The following ASPM variants were observed in gnomAD, a reference collection of about 807,000 sequenced individuals.
The protein encoded by ASPM is assembly factor for spindle microtubules, also known as abnormal spindle-like microcephaly-associated protein.
Under a neutral mutation model 366.4 loss-of-function variants are expected in ASPM, and 256 were observed. That is an observed-to-expected ratio of 0.70 (90% CI 0.63 to 0.77). The LOEUF (loss-of-function observed/expected upper bound fraction) is 0.77, where lower values mean the gene tolerates loss of function less well. Among genes scored for constraint, ASPM ranks in the 30% least tolerant of loss-of-function variants. The pLI, the probability that ASPM is intolerant of heterozygous loss-of-function variation, is 0.00. For synonymous variants in ASPM, 1,414 were observed against 1,342.9 expected (o/e 1.05, Z -1.16); for missense variants, 4,146 against 4,090.4 (o/e 1.01, Z -0.37).
intron 8 of ASPM, 77 bp from the exon 9 acceptor site, chr1:197,129,394 T>C (rs1658194504): frequency 3.4e-6 from 5 of 1,486,244 alleles, no homozygotes; most frequent in Admixed American, 3.5e-5. Context: ...ATAATAATAA[T>C]AATAAGGTGT....
At chr1:197,086,710 G>T (rs764401370) in intron 27 of ASPM, 93 bp downstream of exon 27, 113 of 1,094,382 alleles carry the variant, frequency 1.0e-4, no homozygotes, top group Non-Finnish European at 1.5e-4. Context: ...CCACTGAAAA[G>T]CACATCTTGT....
Position 197,101,128 on chromosome 1 carries a change from TA to T in ASPM, c.8122del (p.Tyr2708MetfsTer21). ...FYRMHRAKVD[Y>X]ETKKTAIVVI... ...CACAATTGCAGTTTTCTTTGTTTCA[TA>T]ATCAACTTTGGCCCTGTGCATTCGA... On this transcript the variant is annotated frameshift_variant, in exon 18 of 28. Coordinates refer to ENST00000367409, the MANE Select transcript of ASPM (RefSeq NM_018136.5). LOFTEE classifies it high-confidence loss of function. 6.2e-7 allele frequency: 1 copy of T among 1,612,300 alleles called. No homozygotes were observed. Among genetic ancestry groups the T allele is most frequent in the Non-Finnish European group, 8.5e-7 (1 of 1,179,038 alleles).
At chr1:197,116,056 T>C (rs978842848) in intron 17 of ASPM, among the ~76,000 whole-genome samples, 10 of 152,206 alleles carry the variant, frequency 6.6e-5, no homozygotes, top group African/African-American at 2.4e-4. Context: ...TTGAAAACTT[T>C]TGTTTAGTGT....
At position 197,143,175 on chromosome 1, in the gene ASPM, A is replaced by G. The variant is rs1470345630; in HGVS notation, c.1077T>C (p.His359=). The G allele has an allele frequency of 6.2e-7, 1 of 1,613,590 alleles. No individual in the cohort carries two copies. The highest frequency in any genetic ancestry group is 1.7e-5 in the Admixed American group (1 of 59,972). The change falls in exon 3 of 28, where the codon CAT becomes CAC. Residue 359 remains histidine (H), a synonymous_variant. Coordinates refer to ENST00000367409, the MANE Select transcript of ASPM (RefSeq NM_018136.5). ...QPVHLESTIA[H]EIYQKILSPD... ...GACTTAAAATTTTCTGATAAATTTC[A>G]TGTGCAATTGTTGATTCCAAATGCA...
Position 197,086,873 on chromosome 1 carries a change from GCTT to G in ASPM, c.10258_10260del (p.Lys3420del). 6.2e-7 allele frequency: 1 copy of G among 1,611,550 alleles called. No homozygotes were observed. Among genetic ancestry groups the G allele is most frequent in the Non-Finnish European group, 8.5e-7 (1 of 1,178,316 alleles). On this transcript the variant is annotated inframe_deletion, in exon 27 of 28. Coordinates refer to ENST00000367409, the MANE Select transcript of ASPM (RefSeq NM_018136.5). ...ATGCTTATAGAAGAATTCTTCTTTT[GCTT>G]GTAAAGTATTCTTTCAGTATTCATT...
Position 197,118,565 on chromosome 1 carries a change from T to C in ASPM, c.3871-582A>G, listed in dbSNP as rs16841070. Among the ~76,000 whole-genome samples the C allele has an allele frequency of 3.6e-3, 549 of 152,244 alleles. 2 individuals are homozygous for C. Among genetic ancestry groups the C allele is most frequent in the African/African-American group, 0.013 (534 of 41,562 alleles). ...CAAAGAGGACCCAGCTCCCTAGTTA[T>C]GTTAGAAGGCAATACCCCCCATATC... is the stretch of plus-strand genomic sequence containing the variant. On this transcript the variant is annotated intron_variant, in intron 16 of 27. Coordinates refer to ENST00000367409, the MANE Select transcript of ASPM (RefSeq NM_018136.5).
At chr1:197,127,089 CT>C (rs1285545909) in intron 10 of ASPM, among the ~76,000 whole-genome samples, 3 of 152,152 alleles carry the variant, frequency 2.0e-5, no homozygotes, top group Admixed American at 1.3e-4. Flanking sequence ...GTTTTCTCTT[CT>C]GTTCTATTTC....
chr1:197,142,699 T>C lies in ASPM; in HGVS notation c.1553A>G (p.Lys518Arg), dbSNP rs1467610725. 1 of 1,613,890 alleles carries C rather than the reference T, an allele frequency of 6.2e-7. No homozygotes were observed. The highest frequency in any genetic ancestry group is 8.5e-7 in the Non-Finnish European group (1 of 1,179,898). Residue 518 changes from lysine (K) to arginine (R), a missense_variant, in exon 3 of 28, where the codon AAA becomes AGA. Transcript: ENST00000367409. ...NQTEINKPKA[K>R]RCLNSAVGEH... Reference sequence around the variant, plus strand: ...ACCCACTGCACTGTTGAGACATCTTTTTGCTTTTGGTTTATTAATCTCAGT... The same window carrying C: ...ACCCACTGCACTGTTGAGACATCTTCTTGCTTTTGGTTTATTAATCTCAGT...
At chr1:197,090,726 G>C (rs1399878914) in intron 23 of ASPM, 124 bp downstream of exon 23, 1 of 875,248 alleles carries the variant, frequency 1.1e-6, no homozygotes, top group Non-Finnish European at 1.8e-6. Context: ...TAGTGCTTAT[G>C]AGTTATTCTA....
intron 17 of ASPM, among the ~76,000 whole-genome samples, chr1:197,105,538 G>A (rs1047223343): frequency 1.3e-5 from 2 of 151,876 alleles, no homozygotes; most frequent in African/African-American, 4.8e-5. Context: ...TTTCCTATGA[G>A]TTTATTTCTG....
rs1656804881 is a variant in ASPM, at chr1:197,092,103, TA to T, written c.9295-48del. 4 of 1,597,230 alleles carry T rather than the reference TA, an allele frequency of 2.5e-6. No homozygotes were observed. In the East Asian group the frequency reaches 9.0e-5, roughly 36 times the overall value. ...ATATTCAAGTATCTGCCTCCTAAGT[TA>T]ATCAATGAGTGTTTTTTTTTGTATA... On this transcript the variant is annotated intron_variant, in intron 21 of 27. Coordinates refer to ENST00000367409, the MANE Select transcript of ASPM (RefSeq NM_018136.5).
chr1:197,102,429 T>G lies in ASPM; in HGVS notation c.6822A>C (p.Arg2274Ser). ...IAATLIQRRF[R>S]TLMMRRRFLS... Reference sequence around the variant, plus strand: ...GGAATCTTCTTCTCATCATTAGAGTTCTAAATCTCCTCTGAATGAGAGTTG... The same window carrying G: ...GGAATCTTCTTCTCATCATTAGAGTGCTAAATCTCCTCTGAATGAGAGTTG... Residue 2274 changes from arginine to serine, a missense_variant, in exon 18 of 28, where the codon AGA becomes AGC. Physicochemically the swap from Arg to Ser is moderately radical, Grantham distance 110. This residue lies in a region of ASPM where 3,624 missense variants were observed against 3,591.7 expected (regional missense o/e 1.01). Transcript: ENST00000367409. 3 of 1,612,656 alleles carry G rather than the reference T, an allele frequency of 1.9e-6. No homozygotes were observed. The highest frequency in any genetic ancestry group is 1.7e-6 in the Non-Finnish European group (2 of 1,179,238).
rs765958126 is a variant in ASPM, at chr1:197,100,781, C to G, written c.8470G>C (p.Ala2824Pro). ...QSRAAVTIQK[A>P]FCRMVTRKLE... ...TTTCTTGTGACCATTCTACAAAAAG[C>G]TTTTTGAATTGTTACTGCAGCCCTA... The change falls in exon 18 of 28, where the codon GCT becomes CCT. Residue 2824 changes from alanine (A) to proline (P), a missense_variant. Coordinates refer to ENST00000367409, the MANE Select transcript of ASPM (RefSeq NM_018136.5). 1 of 1,612,456 alleles carries G rather than the reference C, an allele frequency of 6.2e-7. No individual in the cohort carries two copies. Among genetic ancestry groups the G allele is most frequent in the African/African-American group, 1.3e-5 (1 of 74,868 alleles).
rs560411441 is a variant in ASPM at position 197,101,879 on chromosome 1, T to G, written c.7372A>C (p.Arg2458=). The G allele has an allele frequency of 1.6e-5, 25 of 1,612,744 alleles. No homozygotes were observed. The highest frequency in any genetic ancestry group is 2.0e-5 in the Non-Finnish European group (24 of 1,179,324). ...GACTGTATTGTAATGGCTGCCTTTC[T>G]TAAGTGCAAGAATTGGTACAATTTA... ...KHKLYQFLHL[R]KAAITIQSSY... is the part of the protein sequence containing the mutation. Residue 2458 remains arginine, a synonymous_variant, in exon 18 of 28, where the codon AGA becomes CGA. Transcript: ENST00000367409.
In ASPM at chr1:197,103,835, T is replaced by C. The variant is rs763068259; in HGVS notation, c.5416A>G (p.Thr1806Ala). 6.2e-7 allele frequency: 1 copy of C among 1,613,036 alleles called. No homozygotes were observed. Among genetic ancestry groups the C allele is most frequent in the African/African-American group, 1.3e-5 (1 of 74,960 alleles). Residue 1806 changes from threonine to alanine, a missense_variant, in exon 18 of 28, where the codon ACT (threonine) becomes GCT (alanine). Coordinates refer to ENST00000367409, the MANE Select transcript of ASPM (RefSeq NM_018136.5). ...KNFLQVKKAA[T>A]CLQAAYRGYK... is the part of the protein sequence containing the mutation. ...CCTCTGTAAGCTGCTTGCAAGCAAGTAGCTGCTTTTTTGACTTGCAAGAAG... is the reference window on the plus strand; with the variant it reads ...CCTCTGTAAGCTGCTTGCAAGCAAGCAGCTGCTTTTTTGACTTGCAAGAAG...
chr1:197,093,446 G>A (rs1656853643), intron 20 of ASPM, among the ~76,000 whole-genome samples, 185 bp from the exon 21 acceptor site: 1 of 151,800 alleles, frequency 6.6e-6, no homozygotes, highest in South Asian at 2.1e-4. Context: ...CTATAGCCAA[G>A]ATGAAGGTGT....
chr1:197,111,228 A>G (rs554365990), intron 17 of ASPM, among the ~76,000 whole-genome samples: 66 of 152,254 alleles, frequency 4.3e-4, no homozygotes, highest in Non-Finnish European at 7.9e-4. Context: ...TAAGGAACTT[A>G]ATTCAAAAAA....
chr1:197,084,398 C>T lies in ASPM; in HGVS notation c.10360G>A (p.Asp3454Asn), dbSNP rs1160614052. The T allele has an allele frequency of 1.2e-6, 2 of 1,610,164 alleles. No individual in the cohort carries two copies. Among genetic ancestry groups the T allele is most frequent in the Non-Finnish European group, 1.7e-6 (2 of 1,178,416 alleles). ...RLKPDWVLRR[D>N]NMEEITNPLQ... ...GGATTTGTGATTTCTTCCATGTTAT[C>T]TCTTCTCAAAACCCAATCTGGCTTA... The change falls in exon 28 of 28, where the codon GAT (aspartate) becomes AAT (asparagine). Residue 3454 changes from aspartate to asparagine, a missense_variant. By Grantham distance (23) the Asp-to-Asn change is conservative. This residue lies in a region of ASPM where 3,624 missense variants were observed against 3,591.7 expected (regional missense o/e 1.01). Transcript: ENST00000367409.
chr1:197,122,391 G>C lies in ASPM; in HGVS notation c.3595C>G (p.His1199Asp), dbSNP rs1372026889. 1.9e-6 allele frequency: 3 copies of C among 1,613,438 alleles called. No individual in the cohort carries two copies. Among genetic ancestry groups the C allele is most frequent in the Non-Finnish European group, 2.5e-6 (3 of 1,179,620 alleles). ...AAAGTAACCAAAAGGGACTAACCAT[G>C]ATCAAATGCTTTAAGAGACATATCC... ...SLDMSLKAFD[H>D]ENTSELYKEL... is the part of the protein sequence containing the mutation. The change falls in exon 14 of 28, where the codon CAT becomes GAT. Residue 1199 changes from histidine (H) to aspartate (D), a missense_variant. His to Asp is a moderately conservative substitution (Grantham distance 81, BLOSUM62 -1). Transcript: ENST00000367409.
Sources: allele counts gnomAD v4.1 joint callset (sites outside exome capture counted in the v4.1 genomes callset), GRCh38; gene constraint gnomAD v4.1.1; regional missense constraint gnomAD v4.1.1; transcripts MANE v1.5; gene names NCBI Gene and HGNC (gene_info 2026-07-23, HGNC 2026-07-21).